HECW1: variants seen among roughly 807,000 people sequenced by gnomAD.
The protein encoded by HECW1 is HECT, C2 and WW domain containing E3 ubiquitin protein ligase 1.
Under a neutral mutation model 182.3 loss-of-function variants are expected in HECW1, and 61 were observed. That is an observed-to-expected ratio of 0.33 (90% CI 0.27 to 0.41). The LOEUF is 0.41. HECW1 is among the 10% of genes least tolerant of loss of function. The probability of loss-of-function intolerance (pLI) is 1.00; values close to 1 mark genes in which losing one functional copy is unlikely to be tolerated. For synonymous variants in HECW1, 859 were observed against 832.6 expected, an observed-to-expected ratio of 1.03 and a Z score of -0.55; for missense variants, 1,739 against 2,108.9, an observed-to-expected ratio of 0.82 and a Z score of 3.44.
chr7:43,202,170 G>A (rs545886253), intron 2 of HECW1, among the ~76,000 whole-genome samples: 1 of 152,300 alleles, frequency 6.6e-6, no homozygotes, highest in South Asian at 2.1e-4. Flanking sequence ...CTTGCTGAAG[G>A]ATACCTAGCT....
rs955494900 is a variant in HECW1 at position 43,552,407 on chromosome 7, G to A, written c.4510+71G>A. On this transcript the variant is annotated intron_variant, in intron 28 of 29. Transcript: ENST00000395891. The stretch of plus-strand genomic sequence containing the variant: ...TCAGCACTTTCCAAAAGATTGTTTT[G>A]TTGAGGTGAAATTGATGTAAAATAA... The A allele has an allele frequency of 3.2e-5, 32 of 999,190 alleles. No individual in the cohort carries two copies. The African/African-American group carries it at 4.6e-4, about 14-fold the overall frequency. The allele number at this position is 999,190 out of a possible 1,614,324, so 61.9% of individuals were successfully genotyped here. A position where few individuals can be genotyped will look rare whatever the true frequency, so the allele number is the denominator to read the frequency against.
At chr7:43,336,909 T>C (rs939124702) in intron 5 of HECW1, among the ~76,000 whole-genome samples, 2 of 152,206 alleles carry the variant, frequency 1.3e-5, no homozygotes, top group African/African-American at 4.8e-5. Flanking sequence ...TAGTATTCCA[T>C]GGTGTATATA....
chr7:43,234,742 T>A (rs1798168476), intron 2 of HECW1, among the ~76,000 whole-genome samples: 1 of 152,150 alleles, frequency 6.6e-6, no homozygotes, highest in African/African-American at 2.4e-5. Context: ...TTGCTCTCTT[T>A]CCCTCAACAC....
intron 8 of HECW1, among the ~76,000 whole-genome samples, chr7:43,430,479 A>G (rs2076510512): frequency 6.6e-6 from 1 of 152,232 alleles, no homozygotes; most frequent in Non-Finnish European, 1.5e-5. Flanking sequence ...AAGCTCCACT[A>G]AGCAGTTACA....
chr7:43,172,944 T>G (rs1425616503), intron 2 of HECW1, among the ~76,000 whole-genome samples: 1 of 152,220 alleles, frequency 6.6e-6, no homozygotes, highest in Non-Finnish European at 1.5e-5. Flanking sequence ...TGTCTAGCCC[T>G]TGAATGTGCC....
intron 2 of HECW1, among the ~76,000 whole-genome samples, chr7:43,236,328 A>T (rs187541708): frequency 6.6e-6 from 1 of 151,342 alleles, no homozygotes; most frequent in South Asian, 2.1e-4. Context: ...CATGGGGGGG[A>T]AAAGCTCAAA....
At chr7:43,136,735 G>T (rs911874182) in intron 2 of HECW1, among the ~76,000 whole-genome samples, 13 of 152,114 alleles carry the variant, frequency 8.5e-5, no homozygotes, top group Non-Finnish European at 1.2e-4. Context: ...GCAGATAAGA[G>T]AACTTTTTCC....
intron 2 of HECW1, among the ~76,000 whole-genome samples, chr7:43,233,892 T>C (rs1276299088): frequency 1.3e-5 from 2 of 152,118 alleles, no homozygotes; most frequent in African/African-American, 4.8e-5. Context: ...ATAGCCTCAA[T>C]AGAAAAAGGC....
intron 2 of HECW1, among the ~76,000 whole-genome samples, chr7:43,198,984 A>G (rs955062431): frequency 6.6e-6 from 1 of 152,148 alleles, no homozygotes; most frequent in Non-Finnish European, 1.5e-5. Flanking sequence ...CAATAACGCT[A>G]AGCTAAACCA....
chr7:43,379,485 C>T lies in HECW1; in HGVS notation c.556-17329C>T, dbSNP rs190444639. 4.7e-4 allele frequency among the ~76,000 whole-genome samples: 72 copies of T among 152,284 alleles called. 3 individuals carry two copies. Among genetic ancestry groups the T allele is most frequent in the Admixed American group, 3.7e-3 (57 of 15,306 alleles). ...TCCTTCTCCTGCATAGTCCACTGTCCTCTCCGCTCAATCACTTCCATCCCA... is the reference window on the plus strand; with the variant it reads ...TCCTTCTCCTGCATAGTCCACTGTCTTCTCCGCTCAATCACTTCCATCCCA... On this transcript the variant is annotated intron_variant, in intron 6 of 29. Coordinates refer to ENST00000395891, the MANE Select transcript of HECW1 (RefSeq NM_015052.5).
intron 3 of HECW1, among the ~76,000 whole-genome samples, chr7:43,311,075 T>C (rs541024629): frequency 6.6e-6 from 1 of 152,172 alleles, no homozygotes; most frequent in Admixed American, 6.6e-5. Flanking sequence ...AATACAAAAA[T>C]GCATTTTTTC....
In HECW1 at chr7:43,445,122, G is replaced by T. The variant is rs1391611177; in HGVS notation, c.1950G>T (p.Thr650=). Reference sequence around the variant, plus strand: ...ATGGCGCGGCCCAGGATGGCGACACGCACCCCAGCACCGGGAGCGAGAGCG... The same window carrying T: ...ATGGCGCGGCCCAGGATGGCGACACTCACCCCAGCACCGGGAGCGAGAGCG... The part of the protein sequence containing the change: ...LANGAAQDGD[T]HPSTGSESDS... Residue 650 remains threonine (T), a synonymous_variant, in exon 11 of 30, where the codon ACG becomes ACT. Coordinates refer to ENST00000395891, the MANE Select transcript of HECW1 (RefSeq NM_015052.5). 6.2e-7 allele frequency: 1 copy of T among 1,608,166 alleles called. No individual in the cohort carries two copies.
chr7:43,201,481 G>A (rs1795010470), intron 2 of HECW1, among the ~76,000 whole-genome samples: 2 of 152,154 alleles, frequency 1.3e-5, no homozygotes, highest in Non-Finnish European at 2.9e-5. Context: ...ATGCTAGGGG[G>A]CTTTTCTGTA....
intron 26 of HECW1, among the ~76,000 whole-genome samples, chr7:43,545,372 C>A (rs2081517846): frequency 6.6e-6 from 1 of 152,076 alleles, no homozygotes; most frequent in Admixed American, 6.6e-5. Flanking sequence ...AAGAACAATC[C>A]TCTAGTGTAA....
At chr7:43,457,423 G>A (rs181382748) in intron 13 of HECW1, among the ~76,000 whole-genome samples, 14 of 152,316 alleles carry the variant, frequency 9.2e-5, no homozygotes, top group Admixed American at 7.8e-4. Context: ...AAATGCCTTT[G>A]AGACTTAACT....
At chr7:43,191,397 C>T (rs184968306) in intron 2 of HECW1, among the ~76,000 whole-genome samples, 352 of 152,322 alleles carry the variant, frequency 2.3e-3, no homozygotes, top group African/African-American at 8.1e-3. Context: ...TCTAATTACA[C>T]TTCTTGGACA....
At chr7:43,260,092 A>G (rs1339401328) in intron 3 of HECW1, among the ~76,000 whole-genome samples, 2 of 152,258 alleles carry the variant, frequency 1.3e-5, no homozygotes, top group African/African-American at 4.8e-5. Flanking sequence ...TTGCATATAG[A>G]GGAATAATGA....
chr7:43,214,354 A>G (rs979759485), intron 2 of HECW1, among the ~76,000 whole-genome samples: 1 of 152,202 alleles, frequency 6.6e-6, no homozygotes, highest in Non-Finnish European at 1.5e-5. Context: ...CATCTAAAGA[A>G]CTAGAGTAAT....
chr7:43,132,154 G>C (rs201207953), intron 2 of HECW1, among the ~76,000 whole-genome samples: 1 of 150,424 alleles, frequency 6.6e-6, no homozygotes, highest in Non-Finnish European at 1.5e-5. Flanking sequence ...TCTCCACACA[G>C]CCCCTCACAG....
Sources: allele counts gnomAD v4.1 joint callset (sites outside exome capture counted in the v4.1 genomes callset), GRCh38; gene constraint gnomAD v4.1.1; transcripts MANE v1.5; gene names NCBI Gene and HGNC (gene_info 2026-07-23, HGNC 2026-07-21).